The following PARD3 variants were observed in gnomAD, a reference collection of about 807,000 sequenced individuals.
PARD3 encodes the protein par-3 family cell polarity regulator, also known as partitioning defective 3 homolog.
In PARD3, 75 loss-of-function variants were observed where a neutral mutation model predicts 155.4. The ratio of observed to expected loss-of-function variants is 0.48; its 90% confidence interval spans 0.40 to 0.58. The LOEUF (loss-of-function observed/expected upper bound fraction) is 0.58, where lower values mean the gene tolerates loss of function less well. PARD3 is among the 20% of genes least tolerant of loss of function. PARD3 has a pLI of 0.00. For synonymous variants in PARD3, 576 were observed against 610.5 expected (o/e 0.94, Z 0.83); for missense variants, 1,642 against 1,721.7 (o/e 0.95, Z 0.82).
chr10:34,468,237 C>T (rs2078128732), intron 4 of PARD3, among the ~76,000 whole-genome samples: 1 of 152,182 alleles, frequency 6.6e-6, no homozygotes, highest in Non-Finnish European at 1.5e-5. Flanking sequence ...ACCTGCTCTG[C>T]AAACCCTTCC....
chr10:34,519,176 G>A (rs1429739687), intron 2 of PARD3, among the ~76,000 whole-genome samples: 1 of 152,124 alleles, frequency 6.6e-6, no homozygotes, highest in Non-Finnish European at 1.5e-5. Context: ...AGGAGTCTGA[G>A]GAAGAATGAG....
intron 2 of PARD3, among the ~76,000 whole-genome samples, chr10:34,606,300 A>C (rs1460805144): frequency 6.6e-6 from 1 of 151,032 alleles, no homozygotes; most frequent in African/African-American, 2.4e-5. Flanking sequence ...CCGGGTGCAG[A>C]GAAAGGCAGT....
chr10:34,238,369 C>A (rs2133627277), intron 22 of PARD3, among the ~76,000 whole-genome samples: 1 of 152,280 alleles, frequency 6.6e-6, no homozygotes, highest in African/African-American at 2.4e-5. Flanking sequence ...ACAAGGCTCT[C>A]CTGGTTGTTT....
At chr10:34,285,126 TA>T (rs1310055985) in intron 20 of PARD3, among the ~76,000 whole-genome samples, 1 of 152,242 alleles carries the variant, frequency 6.6e-6, no homozygotes, top group Non-Finnish European at 1.5e-5. Context: ...TCTTTGTCTG[TA>T]ATGCACTGGT....
intron 4 of PARD3, among the ~76,000 whole-genome samples, chr10:34,464,890 A>G (rs932762929): frequency 2.6e-5 from 4 of 152,182 alleles, no homozygotes; most frequent in African/African-American, 9.7e-5. Flanking sequence ...CATCTTCAAA[A>G]TTTCAAATTA....
At chr10:34,136,769 T>C (rs1947920853) in intron 22 of PARD3, among the ~76,000 whole-genome samples, 1 of 151,932 alleles carries the variant, frequency 6.6e-6, no homozygotes, top group South Asian at 2.1e-4. Flanking sequence ...AAGACATCAA[T>C]CCACTTCCTT....
intron 1 of PARD3, among the ~76,000 whole-genome samples, chr10:34,787,248 G>A (rs1035715586): frequency 1.3e-5 from 2 of 152,052 alleles, no homozygotes; most frequent in Non-Finnish European, 2.9e-5. Flanking sequence ...GTGTGGTGGC[G>A]GGCGCCTGTA....
At chr10:34,433,100 G>T (rs1476153509) in intron 5 of PARD3, among the ~76,000 whole-genome samples, 1 of 152,078 alleles carries the variant, frequency 6.6e-6, no homozygotes, top group African/African-American at 2.4e-5. Flanking sequence ...AAATTTCTCT[G>T]CATATTTTAC....
intron 22 of PARD3, among the ~76,000 whole-genome samples, chr10:34,181,343 T>C (rs543275996): frequency 2.0e-4 from 31 of 152,278 alleles, no homozygotes; most frequent in African/African-American, 7.2e-4. Flanking sequence ...TTAACAAAAG[T>C]TGGGTTTGTA....
chr10:34,202,895 C>A (rs561423001), intron 22 of PARD3, among the ~76,000 whole-genome samples: 1 of 152,262 alleles, frequency 6.6e-6, no homozygotes, highest in Non-Finnish European at 1.5e-5. Flanking sequence ...CAACAGTAAA[C>A]CCTCTCAGTG....
chr10:34,512,420 G>A (rs974873770), intron 3 of PARD3, among the ~76,000 whole-genome samples: 9 of 152,154 alleles, frequency 5.9e-5, no homozygotes, highest in African/African-American at 9.7e-5. Flanking sequence ...CAGGAGCATC[G>A]TGTTGTCTCC....
chr10:34,341,647 T>A lies in PARD3; in HGVS notation c.2388A>T (p.Ala796=), dbSNP rs141191270. The part of the protein sequence containing the change: ...TADAGTWAKA[A]ISDSADCSLS... ...CTTACCAGTCGGCTGAATCACTGAT[T>A]GCAGCCTTGGCCCAAGTACCAGCAT... Residue 796 remains alanine, a synonymous_variant, in exon 16 of 25, where the codon GCA becomes GCT. Transcript: ENST00000374788. 5.1e-4 allele frequency: 823 copies of A among 1,612,710 alleles called. 2 individuals are homozygous for A. Among genetic ancestry groups the A allele is most frequent in the Non-Finnish European group, 6.7e-4 (796 of 1,179,536 alleles).
At chr10:34,283,057 A>C (rs754225433) in intron 21 of PARD3, among the ~76,000 whole-genome samples, 5 of 152,266 alleles carry the variant, frequency 3.3e-5, no homozygotes, top group African/African-American at 4.8e-5. Flanking sequence ...CTATTCAAGA[A>C]AAACCTCAGA....
At position 34,638,854 on chromosome 10, in the gene PARD3, C is replaced by T. The variant is rs12411455; in HGVS notation, c.222+57464G>A. ...TAAATTGAGTTCAATCCTCCACAAACATTCTTTGTCTTTGTTACTATATAC... is the reference window on the plus strand; with the variant it reads ...TAAATTGAGTTCAATCCTCCACAAATATTCTTTGTCTTTGTTACTATATAC... On this transcript the variant is annotated intron_variant, in intron 2 of 24. Transcript: ENST00000374788. Among the ~76,000 whole-genome samples, 871 of 152,320 alleles carry T rather than the reference C, an allele frequency of 5.7e-3. 29 individuals are homozygous for T. Among genetic ancestry groups the T allele is most frequent in the Admixed American group, 0.049 (742 of 15,298 alleles).
chr10:34,273,852 G>T (rs539716881), intron 21 of PARD3, among the ~76,000 whole-genome samples: 1 of 152,020 alleles, frequency 6.6e-6, no homozygotes, highest in South Asian at 2.1e-4. Context: ...TGAATACAGG[G>T]GATCAAATCT....
At chr10:34,707,199 C>T (rs1479379759) in intron 1 of PARD3, among the ~76,000 whole-genome samples, 2 of 149,612 alleles carry the variant, frequency 1.3e-5, no homozygotes, top group Non-Finnish European at 3.0e-5. Flanking sequence ...TAAGCAGTGG[C>T]GTGCCACTGC....
chr10:34,570,410 C>G (rs2086296069), intron 2 of PARD3, among the ~76,000 whole-genome samples: 1 of 152,090 alleles, frequency 6.6e-6, no homozygotes, highest in Admixed American at 6.5e-5. Flanking sequence ...TTAAAATTGC[C>G]ACTCCCCTTT....
intron 2 of PARD3, among the ~76,000 whole-genome samples, chr10:34,673,984 CAA>C (rs200637507): frequency 3.4e-5 from 4 of 117,178 alleles, no homozygotes; most frequent in Non-Finnish European, 5.1e-5. Context: ...GAGTCTGCAT[CAA>C]AAAAAAAAAA....
intron 19 of PARD3, among the ~76,000 whole-genome samples, chr10:34,327,944 A>G (rs1378627488): frequency 6.6e-6 from 1 of 152,162 alleles, no homozygotes; most frequent in East Asian, 1.9e-4. Flanking sequence ...AAGGGCAAAA[A>G]TGCAGGAGCA....
Sources: allele counts gnomAD v4.1 joint callset (sites outside exome capture counted in the v4.1 genomes callset), GRCh38; gene constraint gnomAD v4.1.1; transcripts MANE v1.5; gene names NCBI Gene and HGNC (gene_info 2026-07-23, HGNC 2026-07-21).